Variants in SORCS2 observed in about 807,000 individuals in gnomAD.
SORCS2 encodes the protein VPS10 domain-containing receptor SorCS2.
A neutral mutation model predicts 141.6 loss-of-function variants in SORCS2; 100 were observed. The observed-to-expected ratio is 0.71, with a 90% CI of 0.60 to 0.83. SORCS2 has a LOEUF of 0.83. SORCS2 is among the 40% of genes least tolerant of loss of function. SORCS2 has a pLI of 0.00. For missense variants in SORCS2, 1,646 were observed against 1,560.2 expected (o/e 1.05, Z -0.93); for synonymous variants, 789 against 676.9 (o/e 1.17, Z -2.57).
intron 2 of SORCS2, among the ~76,000 whole-genome samples, chr4:7,435,816 A>G (rs1018824481): frequency 4.6e-5 from 7 of 152,216 alleles, no homozygotes; most frequent in Non-Finnish European, 8.8e-5. Flanking sequence ...AAATGGAGAA[A>G]TCTGGAGTCA....
intron 3 of SORCS2, among the ~76,000 whole-genome samples, chr4:7,542,676 G>T (rs1485693782): frequency 6.6e-6 from 1 of 152,236 alleles, no homozygotes; most frequent in Non-Finnish European, 1.5e-5. Context: ...AGGCACCAGT[G>T]TGTGACACTT....
intron 2 of SORCS2, among the ~76,000 whole-genome samples, chr4:7,504,186 C>T (rs142129031): frequency 1.4e-3 from 206 of 152,360 alleles, no homozygotes; most frequent in African/African-American, 4.7e-3. Flanking sequence ...AATCACACAC[C>T]GGGATCCTCA....
intron 4 of SORCS2, among the ~76,000 whole-genome samples, chr4:7,646,234 G>T (rs1263517651): frequency 6.6e-6 from 1 of 152,264 alleles, no homozygotes. Context: ...CACGGGGCCG[G>T]CAGGCTGGGG....
intron 2 of SORCS2, among the ~76,000 whole-genome samples, chr4:7,435,568 G>C (rs1026196852): frequency 6.6e-6 from 1 of 152,222 alleles, no homozygotes; most frequent in Non-Finnish European, 1.5e-5. Context: ...TCAGGTCCTC[G>C]AGCCCAGCCG....
chr4:7,484,315 C>T (rs995495556), intron 2 of SORCS2, among the ~76,000 whole-genome samples: 11 of 152,198 alleles, frequency 7.2e-5, no homozygotes, highest in African/African-American at 1.7e-4. Flanking sequence ...ATCTGTCACC[C>T]GACTTTTACA....
At chr4:7,287,646 T>A (rs1364758730) in intron 1 of SORCS2, among the ~76,000 whole-genome samples, 3 of 152,226 alleles carry the variant, frequency 2.0e-5, no homozygotes, top group Non-Finnish European at 4.4e-5. Context: ...GTGGACTGTT[T>A]GTGTCTTTTA....
At chr4:7,310,463 G>T (rs1217943938) in intron 1 of SORCS2, 1 of 154,226 alleles carries the variant, frequency 6.5e-6, no homozygotes, top group Non-Finnish European at 1.5e-5. Flanking sequence ...TACAACTTCG[G>T]TATACTTTGT....
At chr4:7,665,967 A>T (rs1722478098) in intron 7 of SORCS2, among the ~76,000 whole-genome samples, 1 of 152,152 alleles carries the variant, frequency 6.6e-6, no homozygotes, top group Non-Finnish European at 1.5e-5. Context: ...CAGAGAGGTT[A>T]GGAGGGCCTG....
intron 2 of SORCS2, among the ~76,000 whole-genome samples, chr4:7,520,063 G>T (rs1733227132): frequency 6.6e-6 from 1 of 152,250 alleles, no homozygotes; most frequent in Non-Finnish European, 1.5e-5. Context: ...GAGCCCTGGT[G>T]ATGAGGGCCC....
intron 1 of SORCS2, among the ~76,000 whole-genome samples, chr4:7,254,893 C>T (rs9291133): frequency 0.83 from 126,836 of 152,012 alleles, 53,104 homozygotes; most frequent in Non-Finnish European, 0.88. Context: ...TCTGACTCAG[C>T]AGGTTTGGGC....
intron 10 of SORCS2, among the ~76,000 whole-genome samples, chr4:7,689,185 C>T (rs1254962558): frequency 6.6e-6 from 1 of 152,134 alleles, no homozygotes. Context: ...CACCCAGGGG[C>T]TGTAGGAGTC....
intron 1 of SORCS2, among the ~76,000 whole-genome samples, chr4:7,358,486 G>A (rs2109018988): frequency 6.6e-6 from 1 of 152,340 alleles, no homozygotes; most frequent in East Asian, 1.9e-4. Context: ...AGAGTACTGA[G>A]CTTGCCAGGC....
chr4:7,504,417 G>A (rs1732158151), intron 2 of SORCS2, among the ~76,000 whole-genome samples: 1 of 152,234 alleles, frequency 6.6e-6, no homozygotes, highest in Non-Finnish European at 1.5e-5. Flanking sequence ...CCTGCTGGGT[G>A]CTGGGCACTG....
chr4:7,460,881 A>G (rs988046667), intron 2 of SORCS2, among the ~76,000 whole-genome samples: 1 of 152,248 alleles, frequency 6.6e-6, no homozygotes, highest in Admixed American at 6.5e-5. Context: ...CATCGGCTAC[A>G]CACGGCCAAG....
At position 7,373,458 on chromosome 4, in the gene SORCS2, T is replaced by TATATATATATATATA. The variant is rs60884163; in HGVS notation, c.481-22830_481-22829insATATATATATATATA. 2.2e-3 allele frequency among the ~76,000 whole-genome samples: 180 copies of TATATATATATATATA among 82,728 alleles called. 27 individuals carry two copies. The highest frequency in any genetic ancestry group is 6.6e-3 in the African/African-American group (93 of 14,058). 54.3% of individuals were successfully genotyped at this position (82,728 alleles called of 152,430 possible). A position where few individuals can be genotyped will look rare whatever the true frequency, so the allele number is the denominator to read the frequency against. ...TGTTGTATTGAATTGTGAGAAACTT[T>TATATATATATATATA]TATATATATATATATATATATTTTT... On this transcript the variant is annotated intron_variant, in intron 1 of 26. Transcript: ENST00000507866.
At chr4:7,437,468 C>G (rs1398634190) in intron 2 of SORCS2, among the ~76,000 whole-genome samples, 1 of 152,094 alleles carries the variant, frequency 6.6e-6, no homozygotes, top group African/African-American at 2.4e-5. Context: ...AGTTTAATCT[C>G]CAGCAGCCCC....
intron 1 of SORCS2, among the ~76,000 whole-genome samples, chr4:7,309,657 T>C (rs1718056997): frequency 6.6e-6 from 1 of 152,180 alleles, no homozygotes. Context: ...GCAGTGGGAA[T>C]GGAATTCGGT....
At chr4:7,700,227 CT>C (rs1724974270) in intron 12 of SORCS2, among the ~76,000 whole-genome samples, 1 of 152,344 alleles carries the variant, frequency 6.6e-6, no homozygotes, top group African/African-American at 2.4e-5. Flanking sequence ...CAAATCTGGA[CT>C]TTCCCTAAAA....
intron 3 of SORCS2, among the ~76,000 whole-genome samples, chr4:7,535,419 AG>A (rs1301020514): frequency 3.9e-5 from 6 of 152,308 alleles, no homozygotes. Context: ...GCTGGGGCAT[AG>A]GGGCCTGTTC....
Sources: gnomAD v4.1 joint callset for allele counts (sites outside exome capture counted in the v4.1 genomes callset) on GRCh38, gnomAD v4.1.1 for gene constraint, MANE v1.5 for transcripts, NCBI Gene and HGNC (gene_info 2026-07-23, HGNC 2026-07-21) for gene names.